The following ZC3H10 variants were observed in gnomAD, a reference collection of about 807,000 sequenced individuals.
ZC3H10 encodes zinc finger CCCH-type containing 10.
A neutral mutation model predicts 24.3 loss-of-function variants in ZC3H10; 12 were observed. The ratio of observed to expected loss-of-function variants is 0.49; its 90% CI spans 0.32 to 0.80. ZC3H10 has a LOEUF of 0.80. ZC3H10 is among the 30% of genes least tolerant of loss of function. The pLI, the probability that ZC3H10 is intolerant of heterozygous loss-of-function variation, is 0.04. For missense variants in ZC3H10, 360 were observed against 576.3 expected (o/e 0.62, Z 3.84); for synonymous variants, 226 against 217.0 (o/e 1.04, Z -0.36).
At position 56,124,814 on chromosome 12, in the gene ZC3H10, T is replaced by C. The variant is rs1351111040; in HGVS notation, c.*2947T>C. The C allele has an allele frequency of 6.6e-6, 1 of 152,190 alleles. No homozygotes were observed. Among genetic ancestry groups the C allele is most frequent in the African/African-American group, 2.4e-5 (1 of 41,450 alleles). 9.4% of individuals were successfully genotyped at this position (152,190 alleles called of 1,614,324 possible). On this transcript the variant is annotated 3_prime_UTR_variant, in exon 3 of 3. Coordinates refer to ENST00000257940, the MANE Select transcript of ZC3H10 (RefSeq NM_032786.3). ...AAAATTGCTTAGATCTTGAACTAGT[T>C]TGAGGAACAATGTTAGAGATTTATA... is the stretch of plus-strand genomic sequence containing the variant.
At position 56,123,344 on chromosome 12, in the gene ZC3H10, A is replaced by C. The variant is rs557655234; in HGVS notation, c.*1477A>C. 1 of 151,832 alleles carries C rather than the reference A, an allele frequency of 6.6e-6. No homozygotes were observed. Among genetic ancestry groups the C allele is most frequent in the Admixed American group, 6.6e-5 (1 of 15,240 alleles). The allele number at this position is 151,832 out of a possible 1,614,324, so 9.4% of individuals were successfully genotyped here. A position where few individuals can be genotyped will look rare whatever the true frequency, so the allele number is the denominator to read the frequency against. On this transcript the variant is annotated 3_prime_UTR_variant, in exon 3 of 3. Coordinates refer to ENST00000257940, the MANE Select transcript of ZC3H10 (RefSeq NM_032786.3). The stretch of plus-strand genomic sequence containing the variant: ...GTCAAGGCCAGTCATTAAAAAAAAA[A>C]GCCTAAAGACTAAAAGTGGGCTAAC...
rs543852511 is a variant in ZC3H10 at position 56,120,838 on chromosome 12, C to T, written c.276C>T (p.Cys92=). ...FQNKECSRPN[C]RFIHGSKEDE... ...ACAAGGAGTGTAGCCGCCCAAATTG[C>T]CGTTTCATCCATGGCTCCAAGGAGG... The change falls in exon 3 of 3, where the codon TGC becomes TGT. Residue 92 remains cysteine, a synonymous_variant. Coordinates refer to ENST00000257940, the MANE Select transcript of ZC3H10 (RefSeq NM_032786.3). 10 of 1,614,108 alleles carry T rather than the reference C, an allele frequency of 6.2e-6. No homozygotes were observed. In the East Asian group the frequency reaches 1.8e-4, roughly 29 times the overall value.
In ZC3H10 at chr12:56,121,236, A is replaced by C; in HGVS notation, c.674A>C (p.Tyr225Ser). ...CCTGATGGCCCTCATTTTGAGTCAT[A>C]TGAATATAGTTTGGCTCCACCGCGA... Reference protein sequence around the residue: ...CPPDGPHFESYEYSLAPPRGV... With the variant: ...CPPDGPHFESSEYSLAPPRGV... Residue 225 changes from tyrosine to serine, a missense_variant, in exon 3 of 3, where the codon TAT becomes TCT. Physicochemically the swap from Tyr to Ser is moderately radical, Grantham distance 144. This residue lies in a region of ZC3H10 where 101 missense variants were observed against 110.8 expected (regional missense o/e 0.91). Transcript: ENST00000257940. This position sits in a 1 kb window ranked among gnomAD's most constrained non-coding sequence, Gnocchi z 6.2. The C allele has an allele frequency of 6.2e-7, 1 of 1,613,516 alleles. No homozygotes were observed. The highest frequency in any genetic ancestry group is 8.5e-7 in the Non-Finnish European group (1 of 1,179,980).
Position 56,124,949 on chromosome 12 carries a change from G to A in ZC3H10, c.*3082G>A, listed in dbSNP as rs1292122177. 3 of 152,192 alleles carry A rather than the reference G, an allele frequency of 2.0e-5. No individual in the cohort carries two copies. Among genetic ancestry groups the A allele is most frequent in the Admixed American group, 1.3e-4 (2 of 15,284 alleles). 9.4% of individuals were successfully genotyped at this position (152,192 alleles called of 1,614,324 possible). Reference sequence around the variant, plus strand: ...TAAATATTTATTAAGAGCCTGCTATGTTCTAGGCATCTTTCTAGGAGCTCC... The same window carrying A: ...TAAATATTTATTAAGAGCCTGCTATATTCTAGGCATCTTTCTAGGAGCTCC... On this transcript the variant is annotated 3_prime_UTR_variant, in exon 3 of 3. Transcript: ENST00000257940.
In ZC3H10 at chr12:56,122,150, C is replaced by A; in HGVS notation, c.*283C>A. The A allele has an allele frequency of 2.2e-6, 1 of 447,544 alleles. No individual in the cohort carries two copies. Among genetic ancestry groups the A allele is most frequent in the Non-Finnish European group, 4.1e-6 (1 of 243,218 alleles). The allele number at this position is 447,544 out of a possible 1,614,324, so 27.7% of individuals were successfully genotyped here. ...GAAGGACTGACTGAGGGGCTGTGTCCTCTTATGGGAATTTGGGAACATCCC... is the reference window on the plus strand; with the variant it reads ...GAAGGACTGACTGAGGGGCTGTGTCATCTTATGGGAATTTGGGAACATCCC... On this transcript the variant is annotated 3_prime_UTR_variant, in exon 3 of 3. Coordinates refer to ENST00000257940, the MANE Select transcript of ZC3H10 (RefSeq NM_032786.3).
chr12:56,123,210 A>G lies in ZC3H10; in HGVS notation c.*1343A>G, dbSNP rs965162490. On this transcript the variant is annotated 3_prime_UTR_variant, in exon 3 of 3. Coordinates refer to ENST00000257940, the MANE Select transcript of ZC3H10 (RefSeq NM_032786.3). ...CTAATGGGACAGTAGATTTGGGGGT[A>G]GAGAGTGATCCTGGATTGTGTTCCC... The G allele has an allele frequency of 6.6e-6, 1 of 152,176 alleles. No homozygotes were observed. The highest frequency in any genetic ancestry group is 1.5e-5 in the Non-Finnish European group (1 of 68,034). 9.4% of individuals were successfully genotyped at this position (152,176 alleles called of 1,614,324 possible). A position where few individuals can be genotyped will look rare whatever the true frequency, so the allele number is the denominator to read the frequency against.
rs142625310 is a variant in ZC3H10 at position 56,123,314 on chromosome 12, G to A, written c.*1447G>A. On this transcript the variant is annotated 3_prime_UTR_variant, in exon 3 of 3. Transcript: ENST00000257940. ...TCACATCTGGGATTGGAGATGGTGG[G>A]CTAGGTCAAGGCCAGTCATTAAAAA... 10 of 151,774 alleles carry A rather than the reference G, an allele frequency of 6.6e-5. No homozygotes were observed. The highest frequency in any genetic ancestry group is 3.9e-4 in the East Asian group (2 of 5,180). The allele number at this position is 151,774 out of a possible 1,614,324, so 9.4% of individuals were successfully genotyped here.
At chr12:56,120,222 A>G (rs966892744) in intron 2 of ZC3H10, 14 of 985,316 alleles carry the variant, frequency 1.4e-5, no homozygotes, top group African/African-American at 1.4e-4. Context: ...CACAACTTTA[A>G]TAAGGTCAGC....
chr12:56,121,890 G>A lies in ZC3H10; in HGVS notation c.*23G>A. ...TGATGGGGCTAATGGACACTCCCCTGGTATAGCCTCGCAGGGCTGGGGTCA... is the reference window on the plus strand; with the variant it reads ...TGATGGGGCTAATGGACACTCCCCTAGTATAGCCTCGCAGGGCTGGGGTCA... On this transcript the variant is annotated 3_prime_UTR_variant, in exon 3 of 3. Coordinates refer to ENST00000257940, the MANE Select transcript of ZC3H10 (RefSeq NM_032786.3). The surrounding 1 kb of genome is among the most constrained non-coding windows in gnomAD (Gnocchi z 6.2). 1 of 1,576,948 alleles carries A rather than the reference G, an allele frequency of 6.3e-7. No homozygotes were observed. The highest frequency in any genetic ancestry group is 8.6e-7 in the Non-Finnish European group (1 of 1,158,540).
rs1870018107 is a variant in ZC3H10, at chr12:56,127,078, C to G, written c.*5211C>G. Reference sequence around the variant, plus strand: ...TACATAATATGCCCCATATATACTGCATTAAAAGGTAATCATCTTATGACC... The same window carrying G: ...TACATAATATGCCCCATATATACTGGATTAAAAGGTAATCATCTTATGACC... On this transcript the variant is annotated 3_prime_UTR_variant, in exon 3 of 3. Transcript: ENST00000257940. 1 of 152,226 alleles carries G rather than the reference C, an allele frequency of 6.6e-6. No homozygotes were observed. The highest frequency in any genetic ancestry group is 2.4e-5 in the African/African-American group (1 of 41,452). 9.4% of individuals were successfully genotyped at this position (152,226 alleles called of 1,614,324 possible).
chr12:56,124,574 A>T lies in ZC3H10; in HGVS notation c.*2707A>T, dbSNP rs1869937096. On this transcript the variant is annotated 3_prime_UTR_variant, in exon 3 of 3. Coordinates refer to ENST00000257940, the MANE Select transcript of ZC3H10 (RefSeq NM_032786.3). ...AGCATTTGGTAGAATCAAACTGAAC[A>T]CTTGTACTTAGTGTTGGTTAGCGCA... The T allele has an allele frequency of 6.6e-6, 1 of 152,232 alleles. No homozygotes were observed. The highest frequency in any genetic ancestry group is 2.1e-4 in the South Asian group (1 of 4,834). The allele number at this position is 152,232 out of a possible 1,614,324, so 9.4% of individuals were successfully genotyped here.
In ZC3H10 at chr12:56,121,982, C is replaced by A; in HGVS notation, c.*115C>A. 1.6e-6 allele frequency: 2 copies of A among 1,236,388 alleles called. No homozygotes were observed. Among genetic ancestry groups the A allele is most frequent in the Non-Finnish European group, 2.2e-6 (2 of 901,018 alleles). The allele number at this position is 1,236,388 out of a possible 1,614,324, so 76.6% of individuals were successfully genotyped here. A position where few individuals can be genotyped will look rare whatever the true frequency, so the allele number is the denominator to read the frequency against. On this transcript the variant is annotated 3_prime_UTR_variant, in exon 3 of 3. Transcript: ENST00000257940. This position sits in a 1 kb window ranked among gnomAD's most constrained non-coding sequence, Gnocchi z 6.2. ...TGAAGGGCTCCCTTGAGAACTAGGA[C>A]AAGAGACTACAAGGAGTATGTCCTG...
Position 56,125,604 on chromosome 12 carries a change from A to C in ZC3H10, c.*3737A>C, listed in dbSNP as rs1869968991. 1 of 152,184 alleles carries C rather than the reference A, an allele frequency of 6.6e-6. No individual in the cohort carries two copies. 9.4% of individuals were successfully genotyped at this position (152,184 alleles called of 1,614,324 possible). A position where few individuals can be genotyped will look rare whatever the true frequency, so the allele number is the denominator to read the frequency against. On this transcript the variant is annotated 3_prime_UTR_variant, in exon 3 of 3. Coordinates refer to ENST00000257940, the MANE Select transcript of ZC3H10 (RefSeq NM_032786.3). ...ACTTTACATGCAACATCTCATTGAC[A>C]CAATGGGTAATATTATTGTACCCAT...
chr12:56,121,378 T>C lies in ZC3H10; in HGVS notation c.816T>C (p.Asn272=). 6.2e-7 allele frequency: 1 copy of C among 1,614,070 alleles called. No homozygotes were observed. The highest frequency in any genetic ancestry group is 1.1e-5 in the South Asian group (1 of 91,084). ...LATNEVLLEQ[N]AQFRNQAKVI... ...CCAATGAGGTACTACTGGAACAAAATGCTCAGTTCCGCAATCAGGCCAAGG... is the reference window on the plus strand; with the variant it reads ...CCAATGAGGTACTACTGGAACAAAACGCTCAGTTCCGCAATCAGGCCAAGG... Residue 272 remains asparagine, a synonymous_variant, in exon 3 of 3, where the codon AAT becomes AAC. Transcript: ENST00000257940. The surrounding 1 kb of genome is among the most constrained non-coding windows in gnomAD (Gnocchi z 6.2).
At chr12:56,119,673 T>C (rs1172910122) in intron 2 of ZC3H10, 3 of 151,824 alleles carry the variant, frequency 2.0e-5, no homozygotes, top group Non-Finnish European at 4.4e-5. Context: ...TCTTGGGAAA[T>C]AGGAGACTTA....
At chr12:56,119,623 A>G (rs1869749528) in intron 2 of ZC3H10, 1 of 152,204 alleles carries the variant, frequency 6.6e-6, no homozygotes, top group South Asian at 2.1e-4. Flanking sequence ...GAGAGAGGGG[A>G]GGGCTAGAAC....
rs1869933619 is a variant in ZC3H10 at position 56,124,413 on chromosome 12, C to A, written c.*2546C>A. 2 of 152,172 alleles carry A rather than the reference C, an allele frequency of 1.3e-5. No homozygotes were observed. The highest frequency in any genetic ancestry group is 4.8e-5 in the African/African-American group (2 of 41,442). 9.4% of individuals were successfully genotyped at this position (152,172 alleles called of 1,614,324 possible). A position where few individuals can be genotyped will look rare whatever the true frequency, so the allele number is the denominator to read the frequency against. On this transcript the variant is annotated 3_prime_UTR_variant, in exon 3 of 3. Transcript: ENST00000257940. ...GAAGCCTGGCTGTGTCAGGCCAGTT[C>A]CCAGATTACAGGAGCTACTTTCCTC...
chr12:56,119,143 C>G lies in ZC3H10; in HGVS notation c.-61C>G, dbSNP rs1265740968. 6.5e-6 allele frequency: 1 copy of G among 152,726 alleles called. No homozygotes were observed. The highest frequency in any genetic ancestry group is 1.5e-5 in the Non-Finnish European group (1 of 68,082). The allele number at this position is 152,726 out of a possible 1,614,324, so 9.5% of individuals were successfully genotyped here. A position where few individuals can be genotyped will look rare whatever the true frequency, so the allele number is the denominator to read the frequency against. On this transcript the variant is annotated 5_prime_UTR_variant, in exon 2 of 3. Coordinates refer to ENST00000257940, the MANE Select transcript of ZC3H10 (RefSeq NM_032786.3). ...ACAGGAGCCCCGGACTTCACCTGAG[C>G]TACCTCAGGTATCAATTCTGGGAGA...
chr12:56,120,863 G>T lies in ZC3H10; in HGVS notation c.301G>T (p.Asp101Tyr). The change falls in exon 3 of 3, where the codon GAT becomes TAT. Residue 101 changes from aspartate to tyrosine, a missense_variant. By Grantham distance (160) the Asp-to-Tyr change is radical (BLOSUM62 -3). Around this residue, in one of 3 missense-constraint regions of ZC3H10, gnomAD observed 126 missense variants for 208.8 expected, o/e 0.60. Coordinates refer to ENST00000257940, the MANE Select transcript of ZC3H10 (RefSeq NM_032786.3). ...NCRFIHGSKE[D>Y]EDGYKKTGEL... Reference sequence around the variant, plus strand: ...CCGTTTCATCCATGGCTCCAAGGAGGATGAGGATGGCTATAAGAAGACAGG... The same window carrying T: ...CCGTTTCATCCATGGCTCCAAGGAGTATGAGGATGGCTATAAGAAGACAGG... 2 of 1,614,184 alleles carry T rather than the reference G, an allele frequency of 1.2e-6. No homozygotes were observed. The highest frequency in any genetic ancestry group is 1.7e-6 in the Non-Finnish European group (2 of 1,180,022).
Sources: allele counts gnomAD v4.1 joint callset, GRCh38; gene constraint gnomAD v4.1.1; regional missense constraint gnomAD v4.1.1; non-coding constraint Gnocchi (gnomAD v3.1); transcripts MANE v1.5; gene names NCBI Gene and HGNC (gene_info 2026-07-23, HGNC 2026-07-21).